The following CNTNAP3B variants were observed in gnomAD, a reference collection of about 807,000 sequenced individuals.
CNTNAP3B encodes the protein contactin associated protein family member 3B.
A neutral mutation model predicts 108.9 loss-of-function variants in CNTNAP3B; 25 were observed. The ratio of observed to expected loss-of-function variants is 0.23; its 90% CI spans 0.17 to 0.32. The LOEUF is 0.32. Ranked by LOEUF, CNTNAP3B falls within the 10% of genes least tolerant of loss-of-function variation. CNTNAP3B has a pLI of 1.00. For synonymous variants in CNTNAP3B, 103 were observed against 473.4 expected, an observed-to-expected ratio of 0.22 and a Z score of 10.16; for missense variants, 252 against 1,210.4, an observed-to-expected ratio of 0.21 and a Z score of 11.75.
At chr9:41,913,593 T>C (rs1392843244) in intron 18 of CNTNAP3B, among the ~76,000 whole-genome samples, 1 of 140,878 alleles carries the variant, frequency 7.1e-6, no homozygotes, top group Non-Finnish European at 1.5e-5. Flanking sequence ...TTCACAATGT[T>C]GTGCAATTAT....
intron 3 of CNTNAP3B, among the ~76,000 whole-genome samples, chr9:42,017,268 C>T (rs1324592716): frequency 7.4e-6 from 1 of 135,488 alleles, no homozygotes; most frequent in Non-Finnish European, 1.6e-5. Context: ...CATGTGATAT[C>T]CTGGTCTGCA....
At chr9:42,034,238 CCTT>C (rs1826582079) in intron 3 of CNTNAP3B, among the ~76,000 whole-genome samples, 1 of 123,370 alleles carries the variant, frequency 8.1e-6, no homozygotes, top group Admixed American at 8.2e-5. Flanking sequence ...TAATAACTCT[CCTT>C]CTTAGAGTGA....
intron 13 of CNTNAP3B, among the ~76,000 whole-genome samples, chr9:41,942,667 C>T (rs1170778056): frequency 1.3e-5 from 2 of 152,160 alleles, no homozygotes; most frequent in Non-Finnish European, 2.9e-5. Flanking sequence ...TGCTTCTCCT[C>T]TCCCCGCACC....
At chr9:41,941,453 T>C (rs1173875632) in intron 13 of CNTNAP3B, among the ~76,000 whole-genome samples, 1 of 151,232 alleles carries the variant, frequency 6.6e-6, no homozygotes, top group Non-Finnish European at 1.5e-5. Flanking sequence ...GGACATTACA[T>C]AATGATTTAA....
chr9:42,079,712 G>A lies in CNTNAP3B; in HGVS notation c.197-2650C>T, dbSNP rs1356419872. 1.5e-5 allele frequency among the ~76,000 whole-genome samples: 2 copies of A among 137,394 alleles called. 1 individual carries two copies. The highest frequency in any genetic ancestry group is 5.8e-5 in the African/African-American group (2 of 34,348). The allele number at this position is 137,394 out of a possible 152,430, so 90.1% of individuals were successfully genotyped here. On this transcript the variant is annotated intron_variant, in intron 2 of 23. Transcript: ENST00000377561. ...AATTTTTGTATTTTTAGTAGAGACG[G>A]GGTTTCACCACGTTGGCCAGGATGG...
At chr9:41,962,775 A>T (rs1728646449) in intron 11 of CNTNAP3B, among the ~76,000 whole-genome samples, 1 of 152,052 alleles carries the variant, frequency 6.6e-6, no homozygotes, top group African/African-American at 2.4e-5. Context: ...CTAACATGGC[A>T]AAACCCCGTC....
chr9:41,983,916 G>T lies in CNTNAP3B; in HGVS notation c.1477+2252C>A, dbSNP rs1825679075. Reference sequence around the variant, plus strand: ...ATACAAAAAATTAGCCAGATGTGATGGTGGGTGCCTGTAGTCCCAGCTACT... The same window carrying T: ...ATACAAAAAATTAGCCAGATGTGATTGTGGGTGCCTGTAGTCCCAGCTACT... On this transcript the variant is annotated intron_variant, in intron 9 of 23. Transcript: ENST00000377561. Among the ~76,000 whole-genome samples, 2 of 98,518 alleles carry T rather than the reference G, an allele frequency of 2.0e-5. 1 individual carries two copies. Among genetic ancestry groups the T allele is most frequent in the Admixed American group, 2.1e-4 (2 of 9,442 alleles). The allele number at this position is 98,518 out of a possible 152,430, so 64.6% of individuals were successfully genotyped here.
chr9:42,127,657 G>C (rs188506962), intron 1 of CNTNAP3B, among the ~76,000 whole-genome samples: 1 of 139,596 alleles, frequency 7.2e-6, no homozygotes, highest in Admixed American at 7.1e-5. Flanking sequence ...TATTCACAAA[G>C]CCCTCTCACA....
At position 42,094,724 on chromosome 9, in the gene CNTNAP3B, A is replaced by C. The variant is rs1274947683; in HGVS notation, c.196+9905T>G. ...GAGGGAAGGAAAAAAGCAAGGAAGGAAGGAAGGAGAAGGAGGAGGAAGGGA... is the reference window on the plus strand; with the variant it reads ...GAGGGAAGGAAAAAAGCAAGGAAGGCAGGAAGGAGAAGGAGGAGGAAGGGA... On this transcript the variant is annotated intron_variant, in intron 2 of 23. Coordinates refer to ENST00000377561, the MANE Select transcript of CNTNAP3B (RefSeq NM_001201380.3). 4.5e-5 allele frequency among the ~76,000 whole-genome samples: 4 copies of C among 88,630 alleles called. 1 individual carries two copies. Among genetic ancestry groups the C allele is most frequent in the African/African-American group, 1.7e-4 (4 of 24,150 alleles). 58.1% of individuals were successfully genotyped at this position (88,630 alleles called of 152,430 possible).
intron 7 of CNTNAP3B, chr9:41,994,812 C>T (rs1452816008): frequency 3.6e-5 from 8 of 223,002 alleles, no homozygotes; most frequent in Non-Finnish European, 6.6e-5. Flanking sequence ...AAACATGTTT[C>T]CAACAATACA....
chr9:42,121,224 G>T (rs1214612824), intron 1 of CNTNAP3B, among the ~76,000 whole-genome samples: 1 of 138,614 alleles, frequency 7.2e-6, no homozygotes, highest in Admixed American at 7.2e-5. Flanking sequence ...TTCCCAGGGA[G>T]TTCACGCCCC....
chr9:42,111,895 C>T (rs1216810067), intron 1 of CNTNAP3B, among the ~76,000 whole-genome samples: 4 of 138,916 alleles, frequency 2.9e-5, no homozygotes, highest in Non-Finnish European at 4.6e-5. Flanking sequence ...ACACACCTTA[C>T]ATATCACCAG....
intron 13 of CNTNAP3B, among the ~76,000 whole-genome samples, chr9:41,951,067 C>A (rs1215801589): frequency 1.0e-5 from 1 of 97,472 alleles, no homozygotes; most frequent in Non-Finnish European, 2.2e-5. Context: ...AGGAGGAATT[C>A]TTGTGCTGAT....
intron 8 of CNTNAP3B, among the ~76,000 whole-genome samples, chr9:41,988,272 G>T (rs1408904138): frequency 4.2e-5 from 3 of 71,778 alleles, no homozygotes; most frequent in East Asian, 3.8e-4. Flanking sequence ...TTTTTGAGAT[G>T]GAGTCTCGCT....
chr9:42,112,056 T>C (rs1415683445), intron 1 of CNTNAP3B, among the ~76,000 whole-genome samples: 1 of 139,732 alleles, frequency 7.2e-6, no homozygotes, highest in African/African-American at 2.8e-5. Flanking sequence ...CGTTACTCTC[T>C]GCACTACAGC....
chr9:41,956,264 T>A (rs771746808), intron 12 of CNTNAP3B, among the ~76,000 whole-genome samples: 74 of 151,742 alleles, frequency 4.9e-4, no homozygotes, highest in Non-Finnish European at 6.2e-4. Context: ...CACATGCCTG[T>A]AGTCCCAGCT....
intron 2 of CNTNAP3B, among the ~76,000 whole-genome samples, chr9:42,093,406 C>T (rs1293276368): frequency 1.0e-5 from 1 of 95,310 alleles, no homozygotes; most frequent in African/African-American, 3.9e-5. Flanking sequence ...TTTGCTTCAG[C>T]AGCACTCAGT....
chr9:42,076,427 T>TAA (rs1186980537), intron 3 of CNTNAP3B, among the ~76,000 whole-genome samples: 12 of 104,230 alleles, frequency 1.2e-4, no homozygotes, highest in Non-Finnish European at 1.7e-4. Flanking sequence ...ACTCTGTCTC[T>TAA]AAAAAAAAAA....
At chr9:41,937,138 A>ATTT (rs2118051839) in intron 14 of CNTNAP3B, among the ~76,000 whole-genome samples, 1 of 149,114 alleles carries the variant, frequency 6.7e-6, no homozygotes, top group South Asian at 2.1e-4. Context: ...TATTATTATT[A>ATTT]TTATTTTGAG....
Sources: allele counts gnomAD v4.1 joint callset (sites outside exome capture counted in the v4.1 genomes callset), GRCh38; gene constraint gnomAD v4.1.1; transcripts MANE v1.5; gene names NCBI Gene and HGNC (gene_info 2026-07-23, HGNC 2026-07-21).